ATF6: variants seen among roughly 807,000 people sequenced by gnomAD.
ATF6 encodes activating transcription factor 6, also known as cyclic AMP-dependent transcription factor ATF-6 alpha.
ATF6 carries 53 observed loss-of-function variants against 83.6 expected under a neutral mutation model. The observed-to-expected ratio is 0.63, with a 90% confidence interval of 0.51 to 0.80. ATF6 has a LOEUF of 0.80. Ranked by LOEUF, ATF6 falls within the 30% of genes least tolerant of loss-of-function variation. The probability of loss-of-function intolerance (pLI) is 0.00; values close to 1 mark genes in which losing one functional copy is unlikely to be tolerated. For missense variants in ATF6, 744 were observed against 797.9 expected, an observed-to-expected ratio of 0.93 and a Z score of 0.81; for synonymous variants, 288 against 285.8, an observed-to-expected ratio of 1.01 and a Z score of -0.08.
intron 14 of ATF6, among the ~76,000 whole-genome samples, chr1:161,909,142 G>A (rs1189454248): frequency 1.3e-5 from 2 of 152,210 alleles, no homozygotes; most frequent in African/African-American, 4.8e-5. Context: ...TCTGTCTCAT[G>A]TATAAGTTTC....
chr1:161,866,908 C>G (rs1285977561), intron 14 of ATF6, among the ~76,000 whole-genome samples: 1 of 152,106 alleles, frequency 6.6e-6, no homozygotes, highest in Non-Finnish European at 1.5e-5. Flanking sequence ...CCACCACATC[C>G]AGCTAATTTT....
intron 9 of ATF6, among the ~76,000 whole-genome samples, chr1:161,825,974 GCT>G (rs1685885628): frequency 6.6e-6 from 1 of 152,092 alleles, no homozygotes; most frequent in Non-Finnish European, 1.5e-5. Flanking sequence ...AACAAAAGAT[GCT>G]CTTCTTACCC....
At chr1:161,928,981 T>C (rs866709439) in intron 15 of ATF6, among the ~76,000 whole-genome samples, 1 of 152,196 alleles carries the variant, frequency 6.6e-6, no homozygotes, top group African/African-American at 2.4e-5. Context: ...GGAGCCTCAT[T>C]TGGCATATAG....
intron 15 of ATF6, among the ~76,000 whole-genome samples, chr1:161,924,898 G>A (rs146286751): frequency 2.2e-4 from 34 of 152,264 alleles, no homozygotes; most frequent in African/African-American, 7.2e-4. Context: ...AACTCCCTTC[G>A]AGGGATTGGA....
chr1:161,805,823 A>T (rs1193881930), intron 7 of ATF6, among the ~76,000 whole-genome samples: 1 of 150,616 alleles, frequency 6.6e-6, no homozygotes, highest in Non-Finnish European at 1.5e-5. Flanking sequence ...AAAAAAAAAA[A>T]TCATATCAGT....
In ATF6 at chr1:161,807,865, C is replaced by CTTTTTTTTTTTT. The variant is rs761462420; in HGVS notation, c.909+5614_909+5625dup. Among the ~76,000 whole-genome samples the CTTTTTTTTTTTT allele has an allele frequency of 3.7e-4, 12 of 32,306 alleles. 3 individuals are homozygous for CTTTTTTTTTTTT. Among genetic ancestry groups the CTTTTTTTTTTTT allele is most frequent in the East Asian group, 2.3e-3 (2 of 852 alleles). 21.2% of individuals were successfully genotyped at this position (32,306 alleles called of 152,430 possible). A position where few individuals can be genotyped will look rare whatever the true frequency, so the allele number is the denominator to read the frequency against. ...CTTTTTGTACTTTTTAGTTTGTCAT[C>CTTTTTTTTTTTT]TTTTTTTTTTTTTTTTTTTTTTTTT... is the stretch of plus-strand genomic sequence containing the variant. On this transcript the variant is annotated intron_variant, in intron 7 of 15. Transcript: ENST00000367942.
At position 161,791,548 on chromosome 1, in the gene ATF6, A is replaced by G. The variant is rs1462497013; in HGVS notation, c.484+11A>G. The G allele has an allele frequency of 6.3e-7, 1 of 1,589,740 alleles. No individual in the cohort carries two copies. Among genetic ancestry groups the G allele is most frequent in the South Asian group, 1.1e-5 (1 of 87,066 alleles). ...CTAGGAACAAGACTGGTATTACTCT[A>G]TCTCCTAACTTCTGTTATTTCTATT... On this transcript the variant is annotated intron_variant, in intron 5 of 15. Coordinates refer to ENST00000367942, the MANE Select transcript of ATF6 (RefSeq NM_007348.4).
rs541437704 is a variant in ATF6 at position 161,842,814 on chromosome 1, G to C, written c.1188-3635G>C. ...TTTGGTGAATCAGTGAGTGACAGTG[G>C]TTATAGTAGTGGTGGTTTAAATCAA... On this transcript the variant is annotated intron_variant, in intron 9 of 15. Coordinates refer to ENST00000367942, the MANE Select transcript of ATF6 (RefSeq NM_007348.4). Among the ~76,000 whole-genome samples, 58 of 152,298 alleles carry C rather than the reference G, an allele frequency of 3.8e-4. No homozygotes were observed. In the South Asian group the frequency reaches 0.012, roughly 30 times the overall value.
chr1:161,935,899 A>G (rs1211264720), intron 15 of ATF6, among the ~76,000 whole-genome samples: 1 of 152,194 alleles, frequency 6.6e-6, no homozygotes, highest in African/African-American at 2.4e-5. Flanking sequence ...ACAGTTATAA[A>G]TGTTAGAAAT....
chr1:161,788,742 C>G (rs1260681436), intron 4 of ATF6, among the ~76,000 whole-genome samples: 1 of 152,046 alleles, frequency 6.6e-6, no homozygotes. Context: ...GGATCTAGCA[C>G]TAGGTAGGGA....
chr1:161,887,783 C>A (rs1043823274), intron 14 of ATF6, among the ~76,000 whole-genome samples: 15 of 152,154 alleles, frequency 9.9e-5, no homozygotes, highest in African/African-American at 3.6e-4. Context: ...ATCCATAAAT[C>A]TCTAAGTATT....
chr1:161,898,749 C>T (rs1687726028), intron 14 of ATF6, among the ~76,000 whole-genome samples: 2 of 151,922 alleles, frequency 1.3e-5, no homozygotes, highest in African/African-American at 2.4e-5. Flanking sequence ...GGTTTTACCA[C>T]GTTGGCCAGA....
chr1:161,958,709 A>T lies in ATF6; in HGVS notation c.*55A>T. On this transcript the variant is annotated 3_prime_UTR_variant, in exon 16 of 16. Transcript: ENST00000367942. Reference sequence around the variant, plus strand: ...GTGGGACCCTGCCAGACTGAAGAGCAGGTGAGCAAAATGCTGCTTTCTGCC... The same window carrying T: ...GTGGGACCCTGCCAGACTGAAGAGCTGGTGAGCAAAATGCTGCTTTCTGCC... 1 of 1,455,850 alleles carries T rather than the reference A, an allele frequency of 6.9e-7. No homozygotes were observed. The highest frequency in any genetic ancestry group is 1.4e-5 in the African/African-American group (1 of 71,252). The allele number at this position is 1,455,850 out of a possible 1,614,324, so 90.2% of individuals were successfully genotyped here.
At position 161,834,630 on chromosome 1, in the gene ATF6, T is replaced by TGGGGGGA. The variant is rs1686164980; in HGVS notation, c.1188-11808_1188-11802dup. 3.8e-5 allele frequency among the ~76,000 whole-genome samples: 2 copies of TGGGGGGA among 52,370 alleles called. 1 individual carries two copies. Among genetic ancestry groups the TGGGGGGA allele is most frequent in the South Asian group, 1.6e-3 (2 of 1,252 alleles). 34.4% of individuals were successfully genotyped at this position (52,370 alleles called of 152,430 possible). A position where few individuals can be genotyped will look rare whatever the true frequency, so the allele number is the denominator to read the frequency against. On this transcript the variant is annotated intron_variant, in intron 9 of 15. Coordinates refer to ENST00000367942, the MANE Select transcript of ATF6 (RefSeq NM_007348.4). ...TCACACACTGGAGACTGTTGTGGTG[T>TGGGGGGA]GGGGGGAGGGGGGAGGGATAGCATT...
intron 14 of ATF6, among the ~76,000 whole-genome samples, chr1:161,906,774 A>C (rs1375094393): frequency 6.6e-6 from 1 of 152,160 alleles, no homozygotes; most frequent in East Asian, 1.9e-4. Context: ...TACAGATGCA[A>C]GCTTTATATT....
intron 9 of ATF6, among the ~76,000 whole-genome samples, chr1:161,829,242 C>A (rs1367954256): frequency 7.1e-6 from 1 of 140,466 alleles, no homozygotes; most frequent in African/African-American, 2.6e-5. Context: ...CTTTGTTGCC[C>A]AGGCTGGAGT....
At chr1:161,820,171 C>T (rs747422695) in intron 8 of ATF6, among the ~76,000 whole-genome samples, 3 of 152,114 alleles carry the variant, frequency 2.0e-5, no homozygotes, top group Non-Finnish European at 2.9e-5. Flanking sequence ...TATTTTTTCT[C>T]AGTCCACCTA....
intron 9 of ATF6, among the ~76,000 whole-genome samples, chr1:161,843,961 A>G (rs1465937219): frequency 1.3e-5 from 2 of 152,206 alleles, no homozygotes; most frequent in African/African-American, 4.8e-5. Context: ...CAGTTACACA[A>G]ATTCAGAGTT....
intron 14 of ATF6, among the ~76,000 whole-genome samples, chr1:161,911,938 C>T (rs918256769): frequency 1.3e-5 from 2 of 152,098 alleles, no homozygotes; most frequent in African/African-American, 2.4e-5. Flanking sequence ...AGAAAGGATA[C>T]GTAGTCTTGT....
Sources: allele counts gnomAD v4.1 joint callset (sites outside exome capture counted in the v4.1 genomes callset), GRCh38; gene constraint gnomAD v4.1.1; transcripts MANE v1.5; gene names NCBI Gene and HGNC (gene_info 2026-07-23, HGNC 2026-07-21).